UBE2D3: variants seen among roughly 807,000 people sequenced by gnomAD.
The protein encoded by UBE2D3 is ubiquitin-conjugating enzyme E2 D3.
UBE2D3 carries 2 observed loss-of-function variants against 22.8 expected under a neutral mutation model. The observed-to-expected ratio is 0.09, with a 90% CI of 0.04 to 0.28. The LOEUF (loss-of-function observed/expected upper bound fraction) is 0.28, where lower values mean the gene tolerates loss of function less well. UBE2D3 is among the 10% of genes least tolerant of loss of function. The pLI, the probability that UBE2D3 is intolerant of heterozygous loss-of-function variation, is 1.00. For missense variants in UBE2D3, 27 were observed against 182.5 expected, an observed-to-expected ratio of 0.15 and a Z score of 4.91; for synonymous variants, 56 against 60.4, an observed-to-expected ratio of 0.93 and a Z score of 0.34.
At chr4:102,833,954 C>T (rs939222133) in intron 1 of UBE2D3, among the ~76,000 whole-genome samples, 4 of 152,062 alleles carry the variant, frequency 2.6e-5, no homozygotes, top group African/African-American at 9.7e-5. Context: ...GTACTGAAGC[C>T]GAATAGGAAG....
At chr4:102,817,995 C>G in intron 2 of UBE2D3, among the ~76,000 whole-genome samples, 1 of 152,160 alleles carries the variant, frequency 6.6e-6, no homozygotes, top group East Asian at 1.9e-4. Flanking sequence ...TCCTAGCAGT[C>G]TAGAGGAAGA....
At chr4:102,812,402 TAA>T (rs1728183732) in intron 2 of UBE2D3, 1 of 152,124 alleles carries the variant, frequency 6.6e-6, no homozygotes, top group African/African-American at 2.4e-5. Context: ...TTGGGGGAAA[TAA>T]ATGAGTCCTC....
At chr4:102,867,078 A>T (rs1025852954) in intron 1 of UBE2D3, among the ~76,000 whole-genome samples, 5 of 152,242 alleles carry the variant, frequency 3.3e-5, no homozygotes, top group African/African-American at 1.2e-4. Flanking sequence ...CAAAAACATG[A>T]ACCTGTATCT....
At chr4:102,868,072 C>CTTTTTTTTTTTTTTTTTTTTTTTTTTTTT (rs11418599) in intron 1 of UBE2D3, among the ~76,000 whole-genome samples, 1 of 115,278 alleles carries the variant, frequency 8.7e-6, no homozygotes, top group African/African-American at 3.6e-5. Flanking sequence ...GCTTTAGATT[C>CTTTTTTTTTTTTTTTTTTTTTTTTTTTTT]TTTTTTTTTT....
intron 2 of UBE2D3, chr4:102,811,507 C>A (rs1728017694): frequency 4.7e-6 from 1 of 213,090 alleles, no homozygotes; most frequent in African/African-American, 2.4e-5. Flanking sequence ...CATGGTAAAA[C>A]CCCATCTCTA....
At chr4:102,860,068 C>T (rs1465258715) in intron 1 of UBE2D3, among the ~76,000 whole-genome samples, 1 of 151,992 alleles carries the variant, frequency 6.6e-6, no homozygotes, top group African/African-American at 2.4e-5. Flanking sequence ...AGGATGGTCT[C>T]GATCTCCTAA....
intron 2 of UBE2D3, chr4:102,812,469 C>T (rs1259132925): frequency 6.6e-6 from 1 of 152,150 alleles, no homozygotes; most frequent in Non-Finnish European, 1.5e-5. Flanking sequence ...AGGCTCTCAA[C>T]AAACTGAGGG....
upstream of UBE2D3, chr4:102,827,589 T>A (rs1236762922): frequency 2.0e-6 from 2 of 986,908 alleles, no homozygotes; most frequent in African/African-American, 1.7e-5. Flanking sequence ...CCCCTCCTCC[T>A]GCCTCTTCAC....
At chr4:102,819,554 C>G (rs1234284872) in intron 2 of UBE2D3, 2 of 985,120 alleles carry the variant, frequency 2.0e-6, no homozygotes, top group Non-Finnish European at 2.4e-6. Context: ...TTTATGAAAA[C>G]AAGGTTTTAA....
chr4:102,803,120 T>C (rs965458834), intron 4 of UBE2D3, among the ~76,000 whole-genome samples: 1 of 152,220 alleles, frequency 6.6e-6, no homozygotes, highest in Admixed American at 6.5e-5. Context: ...GAGAAAAGCC[T>C]AAGCTTCTCA....
chr4:102,860,405 G>C (rs954374291), intron 1 of UBE2D3, among the ~76,000 whole-genome samples: 1 of 111,104 alleles, frequency 9.0e-6, no homozygotes, highest in Non-Finnish European at 1.8e-5. Flanking sequence ...TGTTTTCCTG[G>C]TGTGTGTGTG....
chr4:102,829,570 A>G (rs2110343434), upstream of UBE2D3, among the ~76,000 whole-genome samples: 1 of 152,290 alleles, frequency 6.6e-6, no homozygotes, highest in East Asian at 1.9e-4. Flanking sequence ...ATGTGAAAGG[A>G]CACTGGAGAC....
At chr4:102,813,599 T>C (rs923299268) in intron 2 of UBE2D3, among the ~76,000 whole-genome samples, 5 of 152,162 alleles carry the variant, frequency 3.3e-5, no homozygotes, top group African/African-American at 1.2e-4. Flanking sequence ...GAGAACAGGC[T>C]GGGAACAAAT....
chr4:102,820,052 A>C (rs1729354046), intron 2 of UBE2D3, among the ~76,000 whole-genome samples: 1 of 151,536 alleles, frequency 6.6e-6, no homozygotes, highest in Non-Finnish European at 1.5e-5. Context: ...TGGGAAACAA[A>C]GGGAGTAAGT....
At chr4:102,810,543 A>AT in intron 2 of UBE2D3, 1 of 151,888 alleles carries the variant, frequency 6.6e-6, no homozygotes, top group Middle Eastern at 3.4e-3. Context: ...TGCCAGGCTA[A>AT]TTTTTTGTAT....
rs6853311 is a variant in UBE2D3, at chr4:102,819,559, T to A, written c.24+6926A>T. 1.0e-2 allele frequency: 9,807 copies of A among 985,192 alleles called. 753 individuals are homozygous for A. The African/African-American group carries it at 0.16, about 16-fold the overall frequency. 61.0% of individuals were successfully genotyped at this position (985,192 alleles called of 1,614,324 possible). A position where few individuals can be genotyped will look rare whatever the true frequency, so the allele number is the denominator to read the frequency against. ...AAAGGTAGCATTTATGAAAACAAGG[T>A]TTTAAGTGTCAACCCTATTAAAGCG... On this transcript the variant is annotated intron_variant, in intron 2 of 7. Coordinates refer to ENST00000453744, the MANE Select transcript of UBE2D3 (RefSeq NM_181891.3).
chr4:102,839,382 TCAGCCACCACCAC>T (rs1386205559), intron 1 of UBE2D3, among the ~76,000 whole-genome samples: 13 of 152,074 alleles, frequency 8.5e-5, no homozygotes, highest in African/African-American at 2.4e-4. Flanking sequence ...TCCTCCCACC[TCAGCCACCACCAC>T]CAAAGAGCTA....
upstream of UBE2D3, chr4:102,828,318 G>A: frequency 1.0e-6 from 1 of 969,172 alleles, no homozygotes; most frequent in Non-Finnish European, 1.2e-6. Flanking sequence ...GGTGGAGCAG[G>A]TGAGCAGTAT....
At chr4:102,840,542 A>C (rs900900070) in intron 1 of UBE2D3, among the ~76,000 whole-genome samples, 1 of 152,182 alleles carries the variant, frequency 6.6e-6, no homozygotes, top group African/African-American at 2.4e-5. Context: ...AGAGAGTAGA[A>C]TGATGGTTAC....
Sources: allele counts gnomAD v4.1 joint callset (sites outside exome capture counted in the v4.1 genomes callset), GRCh38; gene constraint gnomAD v4.1.1; transcripts MANE v1.5; gene names NCBI Gene and HGNC (gene_info 2026-07-23, HGNC 2026-07-21).